CEP57L1: variants seen among roughly 807,000 people sequenced by gnomAD.
CEP57L1 encodes centrosomal protein 57 like 1.
A neutral mutation model predicts 61.0 loss-of-function variants in CEP57L1; 37 were observed. The observed-to-expected ratio is 0.61, with a 90% CI of 0.47 to 0.80. The LOEUF (loss-of-function observed/expected upper bound fraction) is 0.80. Ranked by LOEUF, CEP57L1 falls within the 30% of genes least tolerant of loss-of-function variation. The probability of loss-of-function intolerance (pLI) is 0.00; values close to 1 mark genes in which losing one functional copy is unlikely to be tolerated. For missense variants in CEP57L1, 422 were observed against 524.7 expected, an observed-to-expected ratio of 0.80 and a Z score of 1.91; for synonymous variants, 137 against 162.3, an observed-to-expected ratio of 0.84 and a Z score of 1.19.
At chr6:109,135,871 T>A (rs550992252) in intron 1 of CEP57L1, among the ~76,000 whole-genome samples, 102 of 152,296 alleles carry the variant, frequency 6.7e-4, no homozygotes, top group Non-Finnish European at 1.2e-3. Flanking sequence ...TGAGATAGCA[T>A]CTCACACCAG....
Position 109,160,581 on chromosome 6 carries a change from A to G in CEP57L1, c.1026A>G (p.Gln342=). The G allele has an allele frequency of 1.2e-6, 2 of 1,605,166 alleles. No homozygotes were observed. The highest frequency in any genetic ancestry group is 1.7e-6 in the Non-Finnish European group (2 of 1,176,392). The change falls in exon 10 of 11, where the codon CAA becomes CAG. Residue 342 remains glutamine, a synonymous_variant. Transcript: ENST00000517392. ...DELDQMSMEH[Q]ELLKQMKETE... ...TGCTATTCTTTCATAGGGAGCACCAAGAACTACTGAAACAAATGAAGGAAA... is the reference window on the plus strand; with the variant it reads ...TGCTATTCTTTCATAGGGAGCACCAGGAACTACTGAAACAAATGAAGGAAA...
At chr6:109,122,879 C>T (rs1773137916) in intron 1 of CEP57L1, among the ~76,000 whole-genome samples, 1 of 152,194 alleles carries the variant, frequency 6.6e-6, no homozygotes, top group African/African-American at 2.4e-5. Flanking sequence ...TTTGCTTACT[C>T]TTATTGTAGA....
rs543858597 is a variant in CEP57L1, at chr6:109,166,775, A to T, written c.*3805A>T. ...AATCAATCTAAGGGGGGAAGAGGCC[A>T]GTTGGTTATGCACAATGGAAGGAGT... On this transcript the variant is annotated 3_prime_UTR_variant, in exon 11 of 11. Transcript: ENST00000517392. 6.6e-6 allele frequency among the ~76,000 whole-genome samples: 1 copy of T among 152,226 alleles called. No homozygotes were observed. The highest frequency in any genetic ancestry group is 2.4e-5 in the African/African-American group (1 of 41,472).
chr6:109,158,349 A>C, intron 7 of CEP57L1: 1 of 226,020 alleles, frequency 4.4e-6, no homozygotes, highest in East Asian at 1.4e-4. Flanking sequence ...TTAGCCAGGC[A>C]GTAGTGGCAC....
chr6:109,112,334 A>G (rs1240532576), intron 1 of CEP57L1, among the ~76,000 whole-genome samples: 2 of 152,182 alleles, frequency 1.3e-5, no homozygotes, highest in East Asian at 3.9e-4. Context: ...GTATTCTGTG[A>G]TGGTAGTTTG....
At chr6:109,130,312 A>G (rs764671499) in intron 1 of CEP57L1, among the ~76,000 whole-genome samples, 20 of 152,214 alleles carry the variant, frequency 1.3e-4, no homozygotes, top group Non-Finnish European at 2.4e-4. Context: ...ACAAACTTAC[A>G]TAAGACAAAC....
chr6:109,135,201 T>G (rs1469275577), intron 1 of CEP57L1, among the ~76,000 whole-genome samples: 3 of 152,170 alleles, frequency 2.0e-5, no homozygotes, highest in South Asian at 4.1e-4. Flanking sequence ...GCATGGTACC[T>G]ATACCAAAAC....
chr6:109,125,860 AT>A (rs931567641), intron 1 of CEP57L1, among the ~76,000 whole-genome samples: 1 of 152,106 alleles, frequency 6.6e-6, no homozygotes, highest in East Asian at 1.9e-4. Context: ...TTAACTTAGA[AT>A]TTTTTGAAGA....
At chr6:109,104,697 C>T (rs1770716775) in intron 1 of CEP57L1, among the ~76,000 whole-genome samples, 1 of 152,180 alleles carries the variant, frequency 6.6e-6, no homozygotes, top group Non-Finnish European at 1.5e-5. Flanking sequence ...ATCCTCCCAC[C>T]TCTGCCCTAC....
Position 109,167,449 on chromosome 6 carries a change from G to A in CEP57L1, c.*4479G>A, listed in dbSNP as rs1041102591. Among the ~76,000 whole-genome samples, 3 of 152,002 alleles carry A rather than the reference G, an allele frequency of 2.0e-5. No homozygotes were observed. Among genetic ancestry groups the A allele is most frequent in the Non-Finnish European group, 4.4e-5 (3 of 67,988 alleles). ...TGTAATCCCAGCACTGTGAGAGGCCGAGGCAGGCGGATCACCTAAGTCAGG... is the reference window on the plus strand; with the variant it reads ...TGTAATCCCAGCACTGTGAGAGGCCAAGGCAGGCGGATCACCTAAGTCAGG... On this transcript the variant is annotated 3_prime_UTR_variant, in exon 11 of 11. Coordinates refer to ENST00000517392, the MANE Select transcript of CEP57L1 (RefSeq NM_001271852.3).
intron 7 of CEP57L1, chr6:109,157,234 A>C (rs1398656002): frequency 6.6e-6 from 1 of 152,150 alleles, no homozygotes; most frequent in Non-Finnish European, 1.5e-5. Context: ...CTTTTTAAAG[A>C]TGGAGGGAGT....
intron 7 of CEP57L1, 199 bp from the exon 8 acceptor site, chr6:109,158,826 C>T (rs1773457754): frequency 1.7e-6 from 1 of 596,456 alleles, no homozygotes; most frequent in Non-Finnish European, 3.0e-6. Context: ...GTAATTTTAA[C>T]TCGCATTTCC....
Position 109,173,593 on chromosome 6 carries a change from TA to T in CEP57L1, c.*10638del, listed in dbSNP as rs75064977. Among the ~76,000 whole-genome samples the T allele has an allele frequency of 0.12, 17,420 of 141,502 alleles. 1,173 individuals carry two copies. The highest frequency in any genetic ancestry group is 0.21 in the Middle Eastern group (59 of 282). 92.8% of individuals were successfully genotyped at this position (141,502 alleles called of 152,430 possible). On this transcript the variant is annotated 3_prime_UTR_variant, in exon 11 of 11. Transcript: ENST00000517392. ...GTGCATGCCACCACACCTGGCTAATTAAAAAAAAAAAAAAATTTTTTTTTTT... is the reference window on the plus strand; with the variant it reads ...GTGCATGCCACCACACCTGGCTAATTAAAAAAAAAAAAAATTTTTTTTTTT...
intron 10 of CEP57L1, 197 bp downstream of exon 10, chr6:109,160,913 A>G: frequency 2.3e-6 from 1 of 440,532 alleles, no homozygotes; most frequent in East Asian, 3.8e-5. Flanking sequence ...TAACTCTCCA[A>G]GTTAAAATTT....
intron 1 of CEP57L1, among the ~76,000 whole-genome samples, chr6:109,116,587 A>G (rs1279437645): frequency 6.6e-6 from 1 of 152,196 alleles, no homozygotes; most frequent in Admixed American, 6.5e-5. Context: ...TCTGATTGTC[A>G]TAAAGCTTTT....
chr6:109,095,472 T>C (rs1489794210), upstream of CEP57L1: 1 of 985,708 alleles, frequency 1.0e-6, no homozygotes, highest in Admixed American at 6.2e-5. Context: ...CGCGTTTTGT[T>C]TGCGACAGAA....
Position 109,174,289 on chromosome 6 carries a change from T to G in CEP57L1, c.*11319T>G, listed in dbSNP as rs1199121824. ...AGAGGTCATAATGTTCCAGACAAGC[T>G]GGCAGCAATCATTCCCATCCCATCA... is the stretch of plus-strand genomic sequence containing the variant. On this transcript the variant is annotated 3_prime_UTR_variant, in exon 11 of 11. Transcript: ENST00000517392. Among the ~76,000 whole-genome samples the G allele has an allele frequency of 1.3e-5, 2 of 152,308 alleles. No homozygotes were observed. Among genetic ancestry groups the G allele is most frequent in the East Asian group, 3.9e-4 (2 of 5,182 alleles).
At chr6:109,130,849 T>G (rs1423441506) in intron 1 of CEP57L1, 1 of 152,148 alleles carries the variant, frequency 6.6e-6, no homozygotes, top group Non-Finnish European at 1.5e-5. Context: ...GATGTTAATT[T>G]TAATCATCCT....
chr6:109,116,127 GTGTTA>G (rs34528428), intron 1 of CEP57L1, among the ~76,000 whole-genome samples: 41,961 of 134,264 alleles, frequency 0.31, 6,969 homozygotes, highest in East Asian at 0.38. Context: ...GTTATGTGTT[GTGTTA>G]TGTTATGTTA....
Sources: gnomAD v4.1 joint callset for allele counts (sites outside exome capture counted in the v4.1 genomes callset) on GRCh38, gnomAD v4.1.1 for gene constraint, MANE v1.5 for transcripts, NCBI Gene and HGNC (gene_info 2026-07-23, HGNC 2026-07-21) for gene names.